The following ZNF385D variants were observed in gnomAD, a reference collection of about 807,000 sequenced individuals.
ZNF385D encodes zinc finger protein 385D, also known as zinc finger protein 659.
In ZNF385D, 15 loss-of-function variants were observed where a neutral mutation model predicts 35.8. That is an observed-to-expected ratio of 0.42 (90% CI 0.28 to 0.64). The LOEUF is 0.64. ZNF385D is among the 30% of genes least tolerant of loss of function. The pLI is 0.23. For missense variants in ZNF385D, 474 were observed against 494.6 expected, an observed-to-expected ratio of 0.96 and a Z score of 0.39; for synonymous variants, 212 against 186.8, an observed-to-expected ratio of 1.13 and a Z score of -1.10.
intron 4 of ZNF385D, among the ~76,000 whole-genome samples, chr3:21,482,294 C>A (rs199841847): frequency 9.4e-6 from 1 of 106,276 alleles, no homozygotes; most frequent in Non-Finnish European, 2.1e-5. Context: ...AATACACTGT[C>A]TGTTTTTCTA....
intron 2 of ZNF385D, among the ~76,000 whole-genome samples, chr3:22,227,242 G>A (rs138793468): frequency 2.6e-4 from 39 of 152,128 alleles, no homozygotes; most frequent in South Asian, 1.5e-3. Flanking sequence ...TCCCATAACC[G>A]TTGTTACACT....
At chr3:22,287,871 C>G (rs1459147397) in intron 2 of ZNF385D, among the ~76,000 whole-genome samples, 1 of 151,860 alleles carries the variant, frequency 6.6e-6, no homozygotes, top group African/African-American at 2.4e-5. Context: ...CACATGTTTT[C>G]TTTTACTAAT....
At chr3:21,787,803 C>T (rs146348181) in intron 3 of ZNF385D, among the ~76,000 whole-genome samples, 3 of 151,662 alleles carry the variant, frequency 2.0e-5, no homozygotes, top group Non-Finnish European at 2.9e-5. Context: ...GGAAGAAGAG[C>T]GTACTTTTTT....
intron 2 of ZNF385D, among the ~76,000 whole-genome samples, chr3:21,624,653 G>A (rs953227113): frequency 1.3e-5 from 2 of 151,976 alleles, no homozygotes; most frequent in Non-Finnish European, 2.9e-5. Context: ...ACTTAGGAAG[G>A]AAACCATTAC....
chr3:21,852,220 C>A (rs759403141), intron 3 of ZNF385D, among the ~76,000 whole-genome samples: 1 of 151,894 alleles, frequency 6.6e-6, no homozygotes, highest in African/African-American at 2.4e-5. Context: ...CCTAAAGCTA[C>A]AGGATACACT....
chr3:22,260,287 A>G (rs990987265), intron 2 of ZNF385D, among the ~76,000 whole-genome samples: 1 of 152,030 alleles, frequency 6.6e-6, no homozygotes, highest in Non-Finnish European at 1.5e-5. Context: ...GAGTTGAACA[A>G]TGAGAACACA....
chr3:21,822,462 G>A (rs1170409229), intron 3 of ZNF385D, among the ~76,000 whole-genome samples: 2 of 152,168 alleles, frequency 1.3e-5, no homozygotes, highest in Non-Finnish European at 2.9e-5. Flanking sequence ...TGACAGGCAC[G>A]CATGATACTT....
At chr3:22,019,326 T>C (rs1197454206) in intron 3 of ZNF385D, among the ~76,000 whole-genome samples, 1 of 151,926 alleles carries the variant, frequency 6.6e-6, no homozygotes, top group Non-Finnish European at 1.5e-5. Flanking sequence ...TTTTTATCTC[T>C]ATAAGCAGAT....
intron 3 of ZNF385D, among the ~76,000 whole-genome samples, chr3:21,763,156 C>T (rs946169276): frequency 2.6e-5 from 4 of 152,112 alleles, no homozygotes; most frequent in Non-Finnish European, 1.5e-5. Flanking sequence ...AAAAATTCAC[C>T]TTCTCTCCAG....
At chr3:22,156,726 G>A (rs910782168) in intron 3 of ZNF385D, among the ~76,000 whole-genome samples, 1 of 151,874 alleles carries the variant, frequency 6.6e-6, no homozygotes, top group Non-Finnish European at 1.5e-5. Context: ...TTCCCTTACT[G>A]ACTTTCTCTA....
At position 21,421,183 on chromosome 3, in the gene ZNF385D, T is replaced by C; in HGVS notation, c.*31A>G. The C allele has an allele frequency of 1.3e-6, 2 of 1,577,568 alleles. No individual in the cohort carries two copies. The highest frequency in any genetic ancestry group is 1.7e-6 in the Non-Finnish European group (2 of 1,149,348). ...GTTTTGTTTTTTGTTTTTTGAAAAATTATTGCAGTACAATTACTCCTATTT... is the reference window on the plus strand; with the variant it reads ...GTTTTGTTTTTTGTTTTTTGAAAAACTATTGCAGTACAATTACTCCTATTT... On this transcript the variant is annotated 3_prime_UTR_variant, in exon 8 of 8. Coordinates refer to ENST00000281523, the MANE Select transcript of ZNF385D (RefSeq NM_024697.3).
At chr3:22,123,515 T>C (rs919656841) in intron 3 of ZNF385D, among the ~76,000 whole-genome samples, 1 of 152,172 alleles carries the variant, frequency 6.6e-6, no homozygotes, top group Admixed American at 6.5e-5. Flanking sequence ...AACTTTCCAA[T>C]TGTACTCCCT....
Position 22,128,912 on chromosome 3 carries a change from A to G in ZNF385D, c.325+39905T>C, listed in dbSNP as rs563273736. Among the ~76,000 whole-genome samples, 250 of 152,272 alleles carry G rather than the reference A, an allele frequency of 1.6e-3. 3 individuals are homozygous for G. Among genetic ancestry groups the G allele is most frequent in the East Asian group, 1.4e-3 (7 of 5,180 alleles). On this transcript the variant is annotated intron_variant, in intron 3 of 5. Transcript: ENST00000494108. ...CACTGTTGTCTCTTTTAGAAGAACT[A>G]GGTATTTATTCTAATATTTGCAGTC...
At chr3:22,293,305 TCCTTTACTCATC>T (rs1459789795) in intron 2 of ZNF385D, among the ~76,000 whole-genome samples, 2 of 152,092 alleles carry the variant, frequency 1.3e-5, no homozygotes, top group Non-Finnish European at 2.9e-5. Flanking sequence ...AAACTCGATG[TCCTTTACTCATC>T]TCAATTAGTG....
chr3:21,733,270 A>T (rs908577054), intron 1 of ZNF385D, among the ~76,000 whole-genome samples: 3 of 152,120 alleles, frequency 2.0e-5, no homozygotes, highest in African/African-American at 7.2e-5. Context: ...CAATACCACA[A>T]TATCTTGATT....
intron 2 of ZNF385D, among the ~76,000 whole-genome samples, chr3:22,234,498 T>C (rs2125303197): frequency 6.6e-6 from 1 of 152,172 alleles, no homozygotes; most frequent in Middle Eastern, 3.4e-3. Flanking sequence ...TTTTTTTCGT[T>C]CCTGAACTTG....
chr3:21,953,599 G>A (rs1702159314), intron 3 of ZNF385D, among the ~76,000 whole-genome samples: 1 of 151,962 alleles, frequency 6.6e-6, no homozygotes, highest in Admixed American at 6.6e-5. Flanking sequence ...CCAGGAAAAT[G>A]ACATTAACTC....
chr3:21,973,671 A>G (rs1299964423), intron 3 of ZNF385D, among the ~76,000 whole-genome samples: 1 of 152,052 alleles, frequency 6.6e-6, no homozygotes, highest in Non-Finnish European at 1.5e-5. Flanking sequence ...TTATATTTGG[A>G]AAAACCTAAA....
intron 3 of ZNF385D, among the ~76,000 whole-genome samples, chr3:21,933,648 A>C (rs1049729803): frequency 6.6e-6 from 1 of 152,206 alleles, no homozygotes; most frequent in Admixed American, 6.5e-5. Flanking sequence ...ATCTATATTA[A>C]TTTCTGTATA....
Sources: gnomAD v4.1 joint callset for allele counts (sites outside exome capture counted in the v4.1 genomes callset) on GRCh38, gnomAD v4.1.1 for gene constraint, MANE v1.5 for transcripts, NCBI Gene and HGNC (gene_info 2026-07-23, HGNC 2026-07-21) for gene names.